The following PSPC1 variants were observed in gnomAD, a reference collection of about 807,000 sequenced individuals.
PSPC1 encodes the protein paraspeckle protein 1.
PSPC1 carries 14 observed loss-of-function variants against 51.6 expected under a neutral mutation model. The observed-to-expected ratio is 0.27, with a 90% CI of 0.18 to 0.42. The LOEUF is 0.42. Among genes scored for constraint, PSPC1 ranks in the 10% least tolerant of loss-of-function variants. PSPC1 has a pLI of 1.00. For missense variants in PSPC1, 406 were observed against 701.1 expected, an observed-to-expected ratio of 0.58 and a Z score of 4.75; for synonymous variants, 193 against 231.9, an observed-to-expected ratio of 0.83 and a Z score of 1.53.
At chr13:19,757,129 CAAAAA>C (rs56303316) in intron 3 of PSPC1, among the ~76,000 whole-genome samples, 15 of 110,028 alleles carry the variant, frequency 1.4e-4, no homozygotes, top group African/African-American at 3.8e-4. Flanking sequence ...GACTCCGTCT[CAAAAA>C]AAAAAAAAAA....
In PSPC1 at chr13:19,782,046, G is replaced by A. The variant is rs553010910; in HGVS notation, c.372+340C>T. Among the ~76,000 whole-genome samples, 2 of 152,206 alleles carry A rather than the reference G, an allele frequency of 1.3e-5. No homozygotes were observed. The highest frequency in any genetic ancestry group is 4.8e-5 in the African/African-American group (2 of 41,466). The stretch of plus-strand genomic sequence containing the variant: ...TGTCCCCGGACCCTTTCGGTACCCG[G>A]GGCAACGGGGAACCCGGGAGCGCTC... On this transcript the variant is annotated intron_variant, in intron 1 of 8. Coordinates refer to ENST00000338910, the MANE Select transcript of PSPC1 (RefSeq NM_001354909.2). The surrounding 1 kb of genome is among the most constrained non-coding windows in gnomAD (Gnocchi z 4.5).
At chr13:19,744,850 A>G (rs2138067289) in intron 4 of PSPC1, among the ~76,000 whole-genome samples, 1 of 152,318 alleles carries the variant, frequency 6.6e-6, no homozygotes, top group South Asian at 2.1e-4. Context: ...GGCGTGAGCC[A>G]CCGCGCCCGG....
chr13:19,671,811 C>T, downstream of PSPC1: 1 of 1,613,094 alleles, frequency 6.2e-7, no homozygotes, highest in Non-Finnish European at 8.5e-7. Context: ...TGTACTGACA[C>T]CTGCGTTCTT....
intron 2 of PSPC1, among the ~76,000 whole-genome samples, chr13:19,760,168 C>G (rs1887480341): frequency 6.6e-6 from 1 of 152,104 alleles, no homozygotes; most frequent in Non-Finnish European, 1.5e-5. Flanking sequence ...CCCACCACCT[C>G]AACCCACCCA....
At chr13:19,725,066 A>G (rs1327276701) in intron 6 of PSPC1, among the ~76,000 whole-genome samples, 1 of 152,142 alleles carries the variant, frequency 6.6e-6, no homozygotes, top group Admixed American at 6.6e-5. Flanking sequence ...AATCCCAGAT[A>G]CTCGGAAGGC....
At chr13:19,764,682 TAAAAA>T (rs68143550) in intron 2 of PSPC1, among the ~76,000 whole-genome samples, 1 of 78,246 alleles carries the variant, frequency 1.3e-5, no homozygotes, top group African/African-American at 4.6e-5. Context: ...GAACTTGCCT[TAAAAA>T]AAAAAAAAAA....
intron 6 of PSPC1, among the ~76,000 whole-genome samples, chr13:19,692,787 A>G (rs1420489993): frequency 6.6e-6 from 1 of 151,966 alleles, no homozygotes; most frequent in Non-Finnish European, 1.5e-5. Flanking sequence ...CCCTCCCAAT[A>G]CATTAGAAAC....
chr13:19,713,949 T>C (rs987732655), intron 6 of PSPC1, among the ~76,000 whole-genome samples: 4 of 152,228 alleles, frequency 2.6e-5, no homozygotes, highest in African/African-American at 7.2e-5. Flanking sequence ...GCGAAAGTAA[T>C]GGCTAGGAAA....
chr13:19,733,125 T>C lies in PSPC1; in HGVS notation c.1053-2781A>G, dbSNP rs560013208. Among the ~76,000 whole-genome samples the C allele has an allele frequency of 8.5e-5, 13 of 152,204 alleles. No individual in the cohort carries two copies. In the East Asian group the frequency reaches 2.1e-3, roughly 25 times the overall value. ...GCAGGGACATATGTATACACAGATA[T>C]ATATTGTGGCATTATTTATAAAAGC... On this transcript the variant is annotated intron_variant, in intron 5 of 8. Coordinates refer to ENST00000338910, the MANE Select transcript of PSPC1 (RefSeq NM_001354909.2).
chr13:19,778,962 T>C (rs2138376952), intron 1 of PSPC1, among the ~76,000 whole-genome samples: 1 of 140,742 alleles, frequency 7.1e-6, no homozygotes, highest in African/African-American at 2.6e-5. Context: ...ATTTAGGAAG[T>C]GAGGAGCGTC....
chr13:19,768,688 TA>T (rs1379247123), intron 2 of PSPC1, among the ~76,000 whole-genome samples: 1 of 150,430 alleles, frequency 6.6e-6, no homozygotes, highest in Non-Finnish European at 1.5e-5. Flanking sequence ...GGGGGACATC[TA>T]AAAAAATGGA....
chr13:19,712,413 T>C (rs1192194543), intron 6 of PSPC1, among the ~76,000 whole-genome samples: 1 of 152,218 alleles, frequency 6.6e-6, no homozygotes, highest in Non-Finnish European at 1.5e-5. Flanking sequence ...ATTGTCTCTT[T>C]GTATTTTCAG....
chr13:19,686,786 T>C (rs966257930), intron 6 of PSPC1, among the ~76,000 whole-genome samples: 6 of 152,342 alleles, frequency 3.9e-5, no homozygotes, highest in African/African-American at 1.4e-4. Flanking sequence ...ATCTGAATGA[T>C]GGCTATAATG....
At chr13:19,676,088 C>A (rs987370032) in intron 7 of PSPC1, among the ~76,000 whole-genome samples, 1 of 152,184 alleles carries the variant, frequency 6.6e-6, no homozygotes, top group Non-Finnish European at 1.5e-5. Context: ...ATCTCTCTCC[C>A]CTTCTCTCTT....
In PSPC1 at chr13:19,773,981, T is replaced by G. The variant is rs80341524; in HGVS notation, c.373-1438A>C. On this transcript the variant is annotated intron_variant, in intron 1 of 8. Transcript: ENST00000338910. ...CCAATGTCTTCTTAATGACTTCTCCTGAAATACTGGCATGGGTTACACATT... is the reference window on the plus strand; with the variant it reads ...CCAATGTCTTCTTAATGACTTCTCCGGAAATACTGGCATGGGTTACACATT... Among the ~76,000 whole-genome samples the G allele has an allele frequency of 5.5e-3, 839 of 152,254 alleles. 41 individuals carry two copies. In the East Asian group the frequency reaches 0.13, roughly 23 times the overall value.
chr13:19,708,431 A>C (rs1344514744), intron 7 of PSPC1, among the ~76,000 whole-genome samples: 1 of 152,180 alleles, frequency 6.6e-6, no homozygotes, highest in Non-Finnish European at 1.5e-5. Flanking sequence ...TGGGACAATT[A>C]ATTTAATAAA....
chr13:19,710,205 C>T (rs951497133), intron 6 of PSPC1, among the ~76,000 whole-genome samples: 1 of 152,194 alleles, frequency 6.6e-6, no homozygotes, highest in African/African-American at 2.4e-5. Context: ...ACATTGCTTT[C>T]CTTTAACTGC....
chr13:19,730,975 A>G (rs1423600691), intron 5 of PSPC1, among the ~76,000 whole-genome samples: 1 of 147,724 alleles, frequency 6.8e-6, no homozygotes, highest in Non-Finnish European at 1.5e-5. Context: ...CAAAAAAAAA[A>G]AAAACAGAAA....
At chr13:19,768,322 A>G (rs1405141665) in intron 2 of PSPC1, among the ~76,000 whole-genome samples, 5 of 152,122 alleles carry the variant, frequency 3.3e-5, no homozygotes, top group Non-Finnish European at 5.9e-5. Flanking sequence ...AGATTTCATA[A>G]TTCAGTAAGA....
Sources: allele counts gnomAD v4.1 joint callset (sites outside exome capture counted in the v4.1 genomes callset), GRCh38; gene constraint gnomAD v4.1.1; non-coding constraint Gnocchi (gnomAD v3.1); transcripts MANE v1.5; gene names NCBI Gene and HGNC (gene_info 2026-07-23, HGNC 2026-07-21).